GNA14: variants seen among roughly 807,000 people sequenced by gnomAD.
The protein encoded by GNA14 is guanine nucleotide-binding protein subunit alpha-14.
A neutral mutation model predicts 42.0 loss-of-function variants in GNA14; 50 were observed. The ratio of observed to expected loss-of-function variants is 1.19; its 90% CI spans 0.95 to 1.51. GNA14 has a LOEUF of 1.51. Ranked by LOEUF, GNA14 falls within the 40% of genes most tolerant of loss-of-function variation. The probability of loss-of-function intolerance (pLI) is 0.00; values close to 1 mark genes in which losing one functional copy is unlikely to be tolerated. For synonymous variants in GNA14, 173 were observed against 163.1 expected, an observed-to-expected ratio of 1.06 and a Z score of -0.46; for missense variants, 473 against 446.2, an observed-to-expected ratio of 1.06 and a Z score of -0.54.
At position 77,605,534 on chromosome 9, in the gene GNA14, T is replaced by C. The variant is rs571626912; in HGVS notation, c.124+42136A>G. On this transcript the variant is annotated intron_variant, in intron 1 of 6. Coordinates refer to ENST00000341700, the MANE Select transcript of GNA14 (RefSeq NM_004297.4). ...TCTAAACCAGGTCATAAGACTTTCA[T>C]GTGAAAGGATAAAGAAAATGTGGTT... Among the ~76,000 whole-genome samples, 8 of 152,272 alleles carry C rather than the reference T, an allele frequency of 5.3e-5. 1 individual carries two copies. Among genetic ancestry groups the C allele is most frequent in the African/African-American group, 1.9e-4 (8 of 41,554 alleles).
At chr9:77,453,357 C>A (rs1835947998) in intron 2 of GNA14, among the ~76,000 whole-genome samples, 1 of 152,180 alleles carries the variant, frequency 6.6e-6, no homozygotes, top group Non-Finnish European at 1.5e-5. Context: ...CTAAGGTATT[C>A]TGTTATAGCA....
At chr9:77,609,820 G>C (rs1402354316) in intron 1 of GNA14, among the ~76,000 whole-genome samples, 2 of 152,176 alleles carry the variant, frequency 1.3e-5, no homozygotes, top group African/African-American at 4.8e-5. Context: ...CAGAATCAAA[G>C]TCTCTCTCTG....
intron 1 of GNA14, among the ~76,000 whole-genome samples, chr9:77,620,083 TGTGCACACACACACAC>T (rs927926275): frequency 1.9e-4 from 29 of 151,634 alleles, no homozygotes; most frequent in East Asian, 3.9e-4. Flanking sequence ...ATTACGTGTG[TGTGCACACACACACAC>T]GTGCACACAC....
At chr9:77,544,671 CAAAAAAAAAAA>C (rs397959672) in intron 1 of GNA14, among the ~76,000 whole-genome samples, 1 of 58,558 alleles carries the variant, frequency 1.7e-5, no homozygotes, top group African/African-American at 5.1e-5. Flanking sequence ...CACTGCATCT[CAAAAAAAAAAA>C]AAAAAAAAAG....
chr9:77,507,743 C>T (rs762202857), intron 2 of GNA14, among the ~76,000 whole-genome samples: 1 of 151,994 alleles, frequency 6.6e-6, no homozygotes. Context: ...CTCTGTCACC[C>T]AACTGACAGA....
chr9:77,571,434 TCCAA>T, intron 1 of GNA14, among the ~76,000 whole-genome samples: 1 of 152,176 alleles, frequency 6.6e-6, no homozygotes, highest in Non-Finnish European at 1.5e-5. Context: ...GACTATGTCA[TCCAA>T]TATGGTGCCT....
intron 1 of GNA14, among the ~76,000 whole-genome samples, chr9:77,609,263 T>C (rs1823691970): frequency 6.6e-6 from 1 of 152,190 alleles, no homozygotes; most frequent in Non-Finnish European, 1.5e-5. Context: ...AGCAGTTTCC[T>C]CCAGTTTCTA....
chr9:77,510,395 G>A (rs902279987), intron 2 of GNA14, among the ~76,000 whole-genome samples: 21 of 152,146 alleles, frequency 1.4e-4, no homozygotes, highest in Admixed American at 6.5e-4. Context: ...GACTGCAGTG[G>A]TGCAATCTCG....
At position 77,479,846 on chromosome 9, in the gene GNA14, CTGTT is replaced by C. The variant is rs1255976622; in HGVS notation, c.310-45328_310-45325del. On this transcript the variant is annotated intron_variant, in intron 2 of 6. Transcript: ENST00000341700. ...GGGAGTTCACTCATGATTTGGCTCT[CTGTT>C]TGTCTGTTATTGGTGTATAAGAATG... Among the ~76,000 whole-genome samples the C allele has an allele frequency of 7.9e-5, 12 of 152,022 alleles. No homozygotes were observed. The South Asian group carries it at 2.3e-3, about 29-fold the overall frequency.
chr9:77,479,287 C>T (rs1322527145), intron 2 of GNA14, among the ~76,000 whole-genome samples: 2 of 152,210 alleles, frequency 1.3e-5, no homozygotes, highest in Admixed American at 6.5e-5. Context: ...GAAATCCTTT[C>T]CCCATTGCTT....
intron 1 of GNA14, among the ~76,000 whole-genome samples, chr9:77,625,835 C>T (rs1423793017): frequency 6.6e-6 from 1 of 152,084 alleles, no homozygotes; most frequent in African/African-American, 2.4e-5. Context: ...AACTAATGTG[C>T]AAAATAACCA....
At chr9:77,558,383 T>C (rs1822824408) in intron 1 of GNA14, among the ~76,000 whole-genome samples, 1 of 152,196 alleles carries the variant, frequency 6.6e-6, no homozygotes, top group African/African-American at 2.4e-5. Context: ...GAGTTCATTA[T>C]ACTATTGCTT....
In GNA14 at chr9:77,516,585, G is replaced by T. The variant is rs143094778; in HGVS notation, c.309+12484C>A. Among the ~76,000 whole-genome samples the T allele has an allele frequency of 6.2e-3, 944 of 152,264 alleles. 9 individuals carry two copies. The highest frequency in any genetic ancestry group is 0.025 in the South Asian group (119 of 4,818). ...CACTAAAAATACAAAAATTAGATGG[G>T]TGTGGTGGTGTGCACCTGTAGTCCT... On this transcript the variant is annotated intron_variant, in intron 2 of 6. Transcript: ENST00000341700.
intron 1 of GNA14, among the ~76,000 whole-genome samples, chr9:77,552,259 T>C (rs111479450): frequency 0.044 from 6,678 of 152,200 alleles, 160 homozygotes; most frequent in South Asian, 0.052. Flanking sequence ...GGTTTTTCTT[T>C]TGGTGGGGAG....
intron 2 of GNA14, among the ~76,000 whole-genome samples, chr9:77,484,358 T>A (rs1836618323): frequency 6.6e-6 from 1 of 152,090 alleles, no homozygotes; most frequent in Non-Finnish European, 1.5e-5. Flanking sequence ...TTGGAAAAAA[T>A]TAAAACGTGT....
At chr9:77,448,672 T>TA (rs1185421476) in intron 2 of GNA14, among the ~76,000 whole-genome samples, 1 of 152,206 alleles carries the variant, frequency 6.6e-6, no homozygotes, top group Non-Finnish European at 1.5e-5. Context: ...CCGTAATTCC[T>TA]AATTCATTCA....
At chr9:77,448,653 C>T (rs1016332098) in intron 2 of GNA14, among the ~76,000 whole-genome samples, 2 of 152,164 alleles carry the variant, frequency 1.3e-5, no homozygotes, top group African/African-American at 4.8e-5. Flanking sequence ...AAGTAGCGTA[C>T]TGCTGCAGCC....
At chr9:77,435,050 T>TAAA (rs3052358) in intron 2 of GNA14, among the ~76,000 whole-genome samples, 22 of 119,268 alleles carry the variant, frequency 1.8e-4, no homozygotes, top group Admixed American at 4.4e-4. Flanking sequence ...TTCTTTCATT[T>TAAA]AAAAAAAAAA....
intron 1 of GNA14, among the ~76,000 whole-genome samples, chr9:77,641,324 A>G (rs1824264977): frequency 6.6e-6 from 1 of 152,000 alleles, no homozygotes; most frequent in Admixed American, 6.6e-5. Context: ...GATAAGAAGC[A>G]GGGTATTTAC....
Sources: gnomAD v4.1 joint callset for allele counts (sites outside exome capture counted in the v4.1 genomes callset) on GRCh38, gnomAD v4.1.1 for gene constraint, MANE v1.5 for transcripts, NCBI Gene and HGNC (gene_info 2026-07-23, HGNC 2026-07-21) for gene names.